Variants in KCNH5 observed in about 807,000 individuals in gnomAD.
The protein encoded by KCNH5 is voltage-gated delayed rectifier potassium channel KCNH5.
In KCNH5, 46 loss-of-function variants were observed where a neutral mutation model predicts 96.1. The ratio of observed to expected loss-of-function variants is 0.48; its 90% confidence interval spans 0.38 to 0.61. The LOEUF (loss-of-function observed/expected upper bound fraction) is 0.61, where lower values mean the gene tolerates loss of function less well. Ranked by LOEUF, KCNH5 falls within the 20% of genes least tolerant of loss-of-function variation. KCNH5 has a pLI of 0.00. For missense variants in KCNH5, 907 were observed against 1,225.8 expected, an observed-to-expected ratio of 0.74 and a Z score of 3.88; for synonymous variants, 439 against 449.8, an observed-to-expected ratio of 0.98 and a Z score of 0.30.
chr14:63,002,387 G>A (rs1391867178), intron 3 of KCNH5, among the ~76,000 whole-genome samples: 2 of 152,148 alleles, frequency 1.3e-5, no homozygotes, highest in Non-Finnish European at 2.9e-5. Flanking sequence ...CTGAAGGGAA[G>A]ATTCCATTAC....
In KCNH5 at chr14:62,979,678, T is replaced by A. The variant is rs189695927; in HGVS notation, c.942+1194A>T. Among the ~76,000 whole-genome samples, 1,011 of 152,276 alleles carry A rather than the reference T, an allele frequency of 6.6e-3. 6 individuals carry two copies. Among genetic ancestry groups the A allele is most frequent in the South Asian group, 0.024 (118 of 4,824 alleles). ...AATGAACATATTTTAATAATAGACA[T>A]ATTCTATATTGACTCTTCTATATAT... On this transcript the variant is annotated intron_variant, in intron 6 of 10. Coordinates refer to ENST00000322893, the MANE Select transcript of KCNH5 (RefSeq NM_139318.5).
intron 1 of KCNH5, among the ~76,000 whole-genome samples, chr14:63,035,619 A>T (rs1891708247): frequency 6.6e-6 from 1 of 152,222 alleles, no homozygotes. Flanking sequence ...CTTTTGCTCT[A>T]GGCAGTAGGT....
At chr14:62,899,537 T>TA (rs1391458283) in intron 7 of KCNH5, among the ~76,000 whole-genome samples, 5 of 151,786 alleles carry the variant, frequency 3.3e-5, no homozygotes, top group African/African-American at 4.8e-5. Flanking sequence ...ATCTATACAG[T>TA]AAAAAAAATT....
chr14:62,940,721 T>C (rs1212435607), intron 7 of KCNH5, among the ~76,000 whole-genome samples: 2 of 152,226 alleles, frequency 1.3e-5, no homozygotes, highest in African/African-American at 4.8e-5. Flanking sequence ...ATTTACCTAC[T>C]TATTTTGTAT....
chr14:62,786,736 A>T (rs545644055), intron 9 of KCNH5, among the ~76,000 whole-genome samples: 2 of 152,146 alleles, frequency 1.3e-5, no homozygotes, highest in Non-Finnish European at 2.9e-5. Flanking sequence ...TCATTTTGGT[A>T]ATTCTCACAG....
At chr14:63,007,086 G>T (rs1452305890) in intron 2 of KCNH5, among the ~76,000 whole-genome samples, 1 of 152,144 alleles carries the variant, frequency 6.6e-6, no homozygotes, top group Non-Finnish European at 1.5e-5. Flanking sequence ...AGGTGACCAT[G>T]GAAATGTCAA....
intron 1 of KCNH5, among the ~76,000 whole-genome samples, chr14:63,030,112 AC>A (rs1297927780): frequency 6.6e-6 from 1 of 152,136 alleles, no homozygotes; most frequent in African/African-American, 2.4e-5. Context: ...TGACAGGGAA[AC>A]CAGTTCTGGT....
intron 4 of KCNH5, among the ~76,000 whole-genome samples, chr14:62,996,129 G>C (rs1444765104): frequency 2.0e-4 from 30 of 152,136 alleles, no homozygotes; most frequent in Non-Finnish European, 2.9e-5. Flanking sequence ...GATTTAAAAA[G>C]TAGAAAGATA....
intron 8 of KCNH5, among the ~76,000 whole-genome samples, chr14:62,808,544 A>T (rs1245241272): frequency 1.3e-5 from 2 of 152,144 alleles, no homozygotes; most frequent in Non-Finnish European, 2.9e-5. Flanking sequence ...ATTCAGTTTA[A>T]CATTAATAGT....
At chr14:62,914,147 G>T (rs1441992443) in intron 7 of KCNH5, among the ~76,000 whole-genome samples, 1 of 152,162 alleles carries the variant, frequency 6.6e-6, no homozygotes, top group African/African-American at 2.4e-5. Flanking sequence ...TGTATAAAGA[G>T]CTCTTGCATG....
chr14:62,946,724 A>C lies in KCNH5; in HGVS notation c.1369+3409T>G, dbSNP rs563572895. ...AAACAGTAGTACATCCTAACCATGA[A>C]CTACTACTCAGCAATAAAAAAGAAC... On this transcript the variant is annotated intron_variant, in intron 7 of 10. Transcript: ENST00000322893. Among the ~76,000 whole-genome samples, 3 of 152,222 alleles carry C rather than the reference A, an allele frequency of 2.0e-5. No homozygotes were observed. The East Asian group carries it at 5.8e-4, about 29-fold the overall frequency.
At chr14:62,946,821 A>G (rs2140127628) in intron 7 of KCNH5, among the ~76,000 whole-genome samples, 1 of 152,310 alleles carries the variant, frequency 6.6e-6, no homozygotes, top group Non-Finnish European at 1.5e-5. Context: ...AGTCCATTTC[A>G]AAAGGTTACA....
intron 5 of KCNH5, among the ~76,000 whole-genome samples, chr14:62,983,035 G>A (rs1171890881): frequency 1.3e-5 from 2 of 152,176 alleles, no homozygotes; most frequent in East Asian, 1.9e-4. Context: ...CATGAAAATT[G>A]CCTTCATATT....
chr14:62,950,586 A>ACAC, intron 6 of KCNH5, 27 bp from the exon 7 acceptor site: 1 of 1,475,318 alleles, frequency 6.8e-7, no homozygotes, highest in African/African-American at 1.4e-5. Context: ...AAAAAAAATT[A>ACAC]CACCACATTT....
chr14:62,721,253 G>C (rs1457114207), intron 10 of KCNH5, among the ~76,000 whole-genome samples: 1 of 152,118 alleles, frequency 6.6e-6, no homozygotes, highest in Non-Finnish European at 1.5e-5. Context: ...CTTCCTGCCT[G>C]TGCAAATTTG....
chr14:62,890,125 A>T (rs1351767980), intron 7 of KCNH5, among the ~76,000 whole-genome samples: 1 of 152,140 alleles, frequency 6.6e-6, no homozygotes, highest in Non-Finnish European at 1.5e-5. Context: ...AACTATAAAA[A>T]CCCTGGAAGA....
chr14:62,724,527 T>G (rs1280335937), intron 10 of KCNH5, among the ~76,000 whole-genome samples: 2 of 152,212 alleles, frequency 1.3e-5, no homozygotes, highest in African/African-American at 4.8e-5. Flanking sequence ...TGTCAAAATT[T>G]CCTTGCACCC....
Position 62,700,884 on chromosome 14 carries a change from T to C in KCNH5, c.*6624A>G, listed in dbSNP as rs745538489. 2 of 152,186 alleles carry C rather than the reference T, an allele frequency of 1.3e-5. No homozygotes were observed. Among genetic ancestry groups the C allele is most frequent in the African/African-American group, 2.4e-5 (1 of 41,454 alleles). The allele number at this position is 152,186 out of a possible 1,614,324, so 9.4% of individuals were successfully genotyped here. ...GCTTTTTGCCAAAGTCCAATTTCTC[T>C]AACTCAATGGAGAGTCTGACCAAAA... On this transcript the variant is annotated 3_prime_UTR_variant, in exon 11 of 11. Coordinates refer to ENST00000322893, the MANE Select transcript of KCNH5 (RefSeq NM_139318.5).
intron 8 of KCNH5, among the ~76,000 whole-genome samples, chr14:62,813,498 T>C (rs1333281045): frequency 2.6e-5 from 4 of 152,210 alleles, no homozygotes; most frequent in Non-Finnish European, 5.9e-5. Flanking sequence ...TAAGTTATTG[T>C]ATTGATTATC....
Sources: gnomAD v4.1 joint callset for allele counts (sites outside exome capture counted in the v4.1 genomes callset) on GRCh38, gnomAD v4.1.1 for gene constraint, MANE v1.5 for transcripts, NCBI Gene and HGNC (gene_info 2026-07-23, HGNC 2026-07-21) for gene names.